The following PPP2R1A variants were observed in gnomAD, a reference collection of about 807,000 sequenced individuals.
PPP2R1A encodes the protein protein phosphatase 2 scaffold subunit Aalpha, also known as serine/threonine-protein phosphatase 2A 65 kDa regulatory subunit A alpha isoform.
PPP2R1A carries 15 observed loss-of-function variants against 67.1 expected under a neutral mutation model. The ratio of observed to expected loss-of-function variants is 0.22; its 90% CI spans 0.15 to 0.34. PPP2R1A has a LOEUF of 0.34. Among genes scored for constraint, PPP2R1A ranks in the 10% least tolerant of loss-of-function variants. PPP2R1A has a pLI of 1.00. For synonymous variants in PPP2R1A, 337 were observed against 325.0 expected, an observed-to-expected ratio of 1.04 and a Z score of -0.40; for missense variants, 369 against 775.0, an observed-to-expected ratio of 0.48 and a Z score of 6.22.
rs1291647609 is a variant in PPP2R1A, at chr19:52,227,559, C to T, written c.*1578C>T. 1 of 152,192 alleles carries T rather than the reference C, an allele frequency of 6.6e-6. No homozygotes were observed. The highest frequency in any genetic ancestry group is 2.4e-5 in the African/African-American group (1 of 41,438). 9.4% of individuals were successfully genotyped at this position (152,192 alleles called of 1,614,324 possible). On this transcript the variant is annotated 3_prime_UTR_variant, in exon 15 of 15. Transcript: ENST00000322088. ...TGGTGGTGTCTGCATGGAAGGGTTT[C>T]ACAGAGGAAATGATGCTTGAGCACA...
At chr19:52,199,584 A>G (rs2089527880) in intron 1 of PPP2R1A, among the ~76,000 whole-genome samples, 1 of 152,204 alleles carries the variant, frequency 6.6e-6, no homozygotes, top group South Asian at 2.1e-4. Flanking sequence ...TGCTTTTGCA[A>G]GTAAAGTTAT....
rs1353201800 is a variant in PPP2R1A, at chr19:52,229,022, G to C, written c.*3041G>C. On this transcript the variant is annotated 3_prime_UTR_variant, in exon 15 of 15. Transcript: ENST00000322088. ...ATGGCTCCCCCGGGCAGATGAAGAT[G>C]ACGAGGTGGTGCCTCAGCCCCGAGG... The C allele has an allele frequency of 2.0e-5, 3 of 152,276 alleles. No homozygotes were observed. Among genetic ancestry groups the C allele is most frequent in the Non-Finnish European group, 4.4e-5 (3 of 68,098 alleles). The allele number at this position is 152,276 out of a possible 1,614,324, so 9.4% of individuals were successfully genotyped here.
chr19:52,224,743 A>G (rs1979149574), intron 13 of PPP2R1A, among the ~76,000 whole-genome samples: 2 of 152,196 alleles, frequency 1.3e-5, no homozygotes. Context: ...TCTGTCGCCC[A>G]GACTGGAGTA....
At chr19:52,201,647 G>A (rs1600160749) in intron 1 of PPP2R1A, 2 of 395,786 alleles carry the variant, frequency 5.1e-6, no homozygotes, top group South Asian at 2.7e-5. Flanking sequence ...GAGAGAGGAG[G>A]AGAGGGAGTA....
chr19:52,223,389 T>C (rs1979061231), intron 13 of PPP2R1A, among the ~76,000 whole-genome samples: 1 of 152,176 alleles, frequency 6.6e-6, no homozygotes, highest in Non-Finnish European at 1.5e-5. Flanking sequence ...GATGGGTAAG[T>C]TGACCTTCTG....
At chr19:52,205,703 G>A (rs1295076798) in intron 2 of PPP2R1A, among the ~76,000 whole-genome samples, 2 of 152,188 alleles carry the variant, frequency 1.3e-5, no homozygotes, top group East Asian at 3.9e-4. Context: ...GCAGAAGCTG[G>A]GACTCAGAGA....
intron 1 of PPP2R1A, among the ~76,000 whole-genome samples, chr19:52,193,982 C>T (rs1167858471): frequency 6.8e-6 from 1 of 147,394 alleles, no homozygotes; most frequent in East Asian, 2.0e-4. Context: ...GGTGTGATGA[C>T]ACAGGCCTTG....
intron 3 of PPP2R1A, among the ~76,000 whole-genome samples, chr19:52,207,926 A>T (rs1251873138): frequency 6.6e-6 from 1 of 152,080 alleles, no homozygotes; most frequent in Non-Finnish European, 1.5e-5. Flanking sequence ...CTTAGGTGGG[A>T]TGGGAAGTTG....
At chr19:52,205,632 T>TA (rs2089594330) in intron 2 of PPP2R1A, among the ~76,000 whole-genome samples, 1 of 152,176 alleles carries the variant, frequency 6.6e-6, no homozygotes, top group South Asian at 2.1e-4. Context: ...CACCTAGTCA[T>TA]ATTTGCTCCT....
intron 1 of PPP2R1A, among the ~76,000 whole-genome samples, chr19:52,195,464 A>G (rs1027326563): frequency 3.9e-5 from 6 of 152,158 alleles, no homozygotes; most frequent in Non-Finnish European, 8.8e-5. Flanking sequence ...CGCCAACTGG[A>G]TGTCCTCCAA....
chr19:52,212,567 G>A lies in PPP2R1A; in HGVS notation c.504-119G>A. ...CATAGGGCTGGGAAGACAGAGAGGG[G>A]GTCATCACTTGCCCAAGGTCATTCA... On this transcript the variant is annotated intron_variant, in intron 4 of 14. Coordinates refer to ENST00000322088, the MANE Select transcript of PPP2R1A (RefSeq NM_014225.6). The surrounding 1 kb of genome is among the most constrained non-coding windows in gnomAD (Gnocchi z 4.1). 2.5e-6 allele frequency: 3 copies of A among 1,211,648 alleles called. No homozygotes were observed. Among genetic ancestry groups the A allele is most frequent in the Non-Finnish European group, 3.4e-6 (3 of 872,074 alleles). The allele number at this position is 1,211,648 out of a possible 1,614,324, so 75.1% of individuals were successfully genotyped here.
At chr19:52,195,980 CCT>C (rs1225549901) in intron 1 of PPP2R1A, among the ~76,000 whole-genome samples, 2 of 152,222 alleles carry the variant, frequency 1.3e-5, no homozygotes, top group Non-Finnish European at 2.9e-5. Context: ...TCTAATCATG[CCT>C]CTCTGTTTTC....
Position 52,190,076 on chromosome 19 carries a change from C to T in PPP2R1A, c.-21C>T. 2 of 1,544,296 alleles carry T rather than the reference C, an allele frequency of 1.3e-6. No individual in the cohort carries two copies. The highest frequency in any genetic ancestry group is 8.8e-7 in the Non-Finnish European group (1 of 1,142,600). On this transcript the variant is annotated 5_prime_UTR_variant, in exon 1 of 15. Transcript: ENST00000322088. Reference sequence around the variant, plus strand: ...CAGCACAGCGCTGGCCGCAGTCTGACAGGAAAGGGACGGAGCCAAGATGGC... The same window carrying T: ...CAGCACAGCGCTGGCCGCAGTCTGATAGGAAAGGGACGGAGCCAAGATGGC...
chr19:52,217,040 AT>A (rs952390478), intron 9 of PPP2R1A, among the ~76,000 whole-genome samples: 10 of 152,274 alleles, frequency 6.6e-5, no homozygotes, highest in African/African-American at 2.4e-4. Flanking sequence ...AAATGCAAAA[AT>A]TAGCCAGGCA....
Position 52,211,434 on chromosome 19 carries a change from G to A in PPP2R1A, c.445G>A (p.Gly149Ser), listed in dbSNP as rs2122330071. Residue 149 changes from glycine to serine, a missense_variant, in exon 4 of 15, where the codon GGC becomes AGC. Coordinates refer to ENST00000322088, the MANE Select transcript of PPP2R1A (RefSeq NM_014225.6). The surrounding 1 kb of genome is among the most constrained non-coding windows in gnomAD (Gnocchi z 5.3). ...GTTCACCTCCCGCACCTCGGCCTGC[G>A]GCCTCTTCTCCGTCTGCTACCCCCG... ...DWFTSRTSACGLFSVCYPRVS... is the reference protein window; with the variant it reads ...DWFTSRTSACSLFSVCYPRVS... 1 of 1,613,890 alleles carries A rather than the reference G, an allele frequency of 6.2e-7. No homozygotes were observed. The highest frequency in any genetic ancestry group is 8.5e-7 in the Non-Finnish European group (1 of 1,180,016).
rs1978580292 is a variant in PPP2R1A at position 52,216,457 on chromosome 19, T to C, written c.994-72T>C. The C allele has an allele frequency of 1.3e-6, 2 of 1,568,470 alleles. No homozygotes were observed. Among genetic ancestry groups the C allele is most frequent in the Non-Finnish European group, 1.8e-6 (2 of 1,142,814 alleles). On this transcript the variant is annotated intron_variant, in intron 8 of 14. Coordinates refer to ENST00000322088, the MANE Select transcript of PPP2R1A (RefSeq NM_014225.6). This position sits in a 1 kb window ranked among gnomAD's most constrained non-coding sequence, Gnocchi z 4.3. ...GAAGCAGGTTATTGTCTCTTAGGAG[T>C]TGGCATCTGCTTAGCCACTTGCTGC...
At position 52,225,652 on chromosome 19, in the gene PPP2R1A, GCC is replaced by G. The variant is rs2122381263; in HGVS notation, c.1662-63_1662-62del. On this transcript the variant is annotated intron_variant, in intron 13 of 14. Transcript: ENST00000322088. ...ACACTCTCTTGCCCAAGAGCCCTGTGCCCACCTGTTGCCCCAGTCCATCCTGG... is the reference window on the plus strand; with the variant it reads ...ACACTCTCTTGCCCAAGAGCCCTGTGCACCTGTTGCCCCAGTCCATCCTGG... 23 of 1,464,624 alleles carry G rather than the reference GCC, an allele frequency of 1.6e-5. 1 individual carries two copies. The South Asian group carries it at 2.3e-4, about 15-fold the overall frequency. 90.7% of individuals were successfully genotyped at this position (1,464,624 alleles called of 1,614,324 possible). A position where few individuals can be genotyped will look rare whatever the true frequency, so the allele number is the denominator to read the frequency against.
chr19:52,203,199 G>A (rs1220531831), intron 2 of PPP2R1A, among the ~76,000 whole-genome samples: 1 of 152,150 alleles, frequency 6.6e-6, no homozygotes, highest in Non-Finnish European at 1.5e-5. Flanking sequence ...GCCTAAAGAG[G>A]TGCAGTGACT....
At chr19:52,197,285 C>A (rs2089505399) in intron 1 of PPP2R1A, among the ~76,000 whole-genome samples, 1 of 152,104 alleles carries the variant, frequency 6.6e-6, no homozygotes, top group African/African-American at 2.4e-5. Context: ...TTATACATAT[C>A]TTCTAGTGTT....
Sources: allele counts gnomAD v4.1 joint callset (sites outside exome capture counted in the v4.1 genomes callset), GRCh38; gene constraint gnomAD v4.1.1; non-coding constraint Gnocchi (gnomAD v3.1); transcripts MANE v1.5; gene names NCBI Gene and HGNC (gene_info 2026-07-23, HGNC 2026-07-21).